The following FAM13C variants were observed in gnomAD, a reference collection of about 807,000 sequenced individuals.
FAM13C encodes the protein family with sequence similarity 13 member C, also known as protein FAM13C.
FAM13C carries 37 observed loss-of-function variants against 73.2 expected under a neutral mutation model. The observed-to-expected ratio is 0.51, with a 90% CI of 0.39 to 0.67. The LOEUF (loss-of-function observed/expected upper bound fraction) is 0.67, where lower values mean the gene tolerates loss of function less well. FAM13C is among the 30% of genes least tolerant of loss of function. The probability of loss-of-function intolerance (pLI) is 0.00; values close to 1 mark genes in which losing one functional copy is unlikely to be tolerated. For synonymous variants in FAM13C, 246 were observed against 260.9 expected (o/e 0.94, Z 0.55); for missense variants, 589 against 715.6 (o/e 0.82, Z 2.02).
At chr10:59,312,621 G>A (rs574182252) in intron 4 of FAM13C, among the ~76,000 whole-genome samples, 1 of 152,268 alleles carries the variant, frequency 6.6e-6, no homozygotes, top group African/African-American at 2.4e-5. Context: ...CAGGCTACCA[G>A]GCCCCATGCA....
At chr10:59,314,747 C>CA in intron 4 of FAM13C, among the ~76,000 whole-genome samples, 1 of 152,138 alleles carries the variant, frequency 6.6e-6, no homozygotes, top group East Asian at 1.9e-4. Flanking sequence ...GCAGGATCAT[C>CA]AGAGTGCTCT....
chr10:59,275,661 T>C (rs1844245955), intron 6 of FAM13C, among the ~76,000 whole-genome samples: 1 of 152,234 alleles, frequency 6.6e-6, no homozygotes, highest in African/African-American at 2.4e-5. Context: ...TATAGGCTAC[T>C]GGTTAAAAGC....
At chr10:59,326,553 C>A (rs1332197145) in intron 3 of FAM13C, among the ~76,000 whole-genome samples, 2 of 152,142 alleles carry the variant, frequency 1.3e-5, no homozygotes, top group Non-Finnish European at 2.9e-5. Flanking sequence ...CCAAGTACAG[C>A]CTTTCTTAGA....
intron 4 of FAM13C, among the ~76,000 whole-genome samples, chr10:59,310,255 C>T (rs117511141): frequency 1.7e-3 from 260 of 152,226 alleles, no homozygotes; most frequent in Non-Finnish European, 3.1e-3. Context: ...AATGTATACC[C>T]GGATGACTGC....
rs373089072 is a variant in FAM13C, at chr10:59,252,928, G to A, written c.1403C>T (p.Ser468Phe). The change falls in exon 12 of 14, where the codon TCT becomes TTT. Residue 468 changes from serine (S) to phenylalanine (F), a missense_variant. By Grantham distance (155) the Ser-to-Phe change is radical (BLOSUM62 -2). Transcript: ENST00000618804. ...GAGGTGGTCACCAACAGGAAGGTGA[G>A]ATGCTGGATCTGCCAAAGAAGGTTG... ...SQQPSLADPASHLPVGDHLTY... is the reference protein window; with the variant it reads ...SQQPSLADPAFHLPVGDHLTY... 1.9e-5 allele frequency: 31 copies of A among 1,614,078 alleles called. No individual in the cohort carries two copies. In the South Asian group the frequency reaches 3.0e-4, roughly 15 times the overall value.
chr10:59,255,479 T>C (rs1054118546), intron 10 of FAM13C, among the ~76,000 whole-genome samples: 16 of 152,108 alleles, frequency 1.1e-4, no homozygotes, highest in African/African-American at 3.9e-4. Flanking sequence ...CTCCTCTGCT[T>C]GCATTGGTTT....
At chr10:59,314,340 T>C (rs751161215) in intron 4 of FAM13C, among the ~76,000 whole-genome samples, 2 of 152,202 alleles carry the variant, frequency 1.3e-5, no homozygotes, top group Non-Finnish European at 2.9e-5. Flanking sequence ...ATGCAGTTCA[T>C]TTAATCCTTG....
intron 5 of FAM13C, among the ~76,000 whole-genome samples, chr10:59,299,184 T>C (rs1270624422): frequency 1.3e-5 from 2 of 152,168 alleles, no homozygotes; most frequent in Non-Finnish European, 2.9e-5. Context: ...ATTTGTTCAT[T>C]CCATAATATA....
At chr10:59,260,747 A>T (rs574433385) in intron 10 of FAM13C, among the ~76,000 whole-genome samples, 85 of 152,230 alleles carry the variant, frequency 5.6e-4, no homozygotes, top group African/African-American at 2.0e-3. Flanking sequence ...ATATCTTTTA[A>T]TTTTTTATAT....
chr10:59,325,397 C>T (rs1356946841), intron 3 of FAM13C, among the ~76,000 whole-genome samples: 1 of 152,158 alleles, frequency 6.6e-6, no homozygotes, highest in Non-Finnish European at 1.5e-5. Flanking sequence ...CTGGGCAGAG[C>T]TGTGGGAAAG....
intron 6 of FAM13C, 23 bp downstream of exon 6, chr10:59,283,340 C>G (rs371879218): frequency 6.2e-7 from 1 of 1,613,030 alleles, no homozygotes; most frequent in South Asian, 1.1e-5. Context: ...CAATTTGGGA[C>G]AACCCCCAGC....
At position 59,247,444 on chromosome 10, in the gene FAM13C, T is replaced by A. The variant is rs963714541; in HGVS notation, c.*170A>T. On this transcript the variant is annotated 3_prime_UTR_variant, in exon 14 of 14. Transcript: ENST00000618804. ...TGTTGTATTCTTCCCCCCGTTTAAA[T>A]CCCTTCTCCTTGTATATAATTAAAC... 5 of 763,576 alleles carry A rather than the reference T, an allele frequency of 6.5e-6. No homozygotes were observed. In the Admixed American group the frequency reaches 1.4e-4, roughly 21 times the overall value. 47.3% of individuals were successfully genotyped at this position (763,576 alleles called of 1,614,324 possible).
rs1411538893 is a variant in FAM13C, at chr10:59,313,695, G to A, written c.443+10293C>T. Among the ~76,000 whole-genome samples the A allele has an allele frequency of 6.6e-5, 10 of 152,126 alleles. No homozygotes were observed. In the East Asian group the frequency reaches 1.3e-3, roughly 21 times the overall value. On this transcript the variant is annotated intron_variant, in intron 4 of 13. Transcript: ENST00000618804. ...AAGCTAAGGTCTAGCTTAAAGATGT[G>A]CAGAAAAACAGATCTATGAAGGTAA...
intron 9 of FAM13C, 145 bp downstream of exon 9, chr10:59,263,940 T>C: frequency 1.3e-6 from 1 of 745,894 alleles, no homozygotes; most frequent in Non-Finnish European, 2.3e-6. Context: ...ACAGGGTGCT[T>C]TATTTCAAAA....
At chr10:59,345,881 T>C in intron 3 of FAM13C, among the ~76,000 whole-genome samples, 1 of 152,162 alleles carries the variant, frequency 6.6e-6, no homozygotes. Context: ...TGAGAAATAA[T>C]ACAACATGAA....
chr10:59,303,661 T>C (rs1847860246), intron 4 of FAM13C, among the ~76,000 whole-genome samples: 1 of 152,096 alleles, frequency 6.6e-6, no homozygotes, highest in Admixed American at 6.6e-5. Flanking sequence ...TGATCCCCAG[T>C]GTGGCAGTGT....
chr10:59,274,634 C>T (rs928310763), intron 6 of FAM13C, among the ~76,000 whole-genome samples: 5 of 152,190 alleles, frequency 3.3e-5, no homozygotes, highest in South Asian at 2.1e-4. Flanking sequence ...GATAAAAACA[C>T]GAGCCACAGG....
chr10:59,250,640 T>G (rs1419954150), intron 13 of FAM13C, among the ~76,000 whole-genome samples: 1 of 152,186 alleles, frequency 6.6e-6, no homozygotes, highest in Non-Finnish European at 1.5e-5. Context: ...ACCCTCAACC[T>G]GCTGAACTGA....
chr10:59,276,566 C>T (rs944575907), intron 6 of FAM13C, among the ~76,000 whole-genome samples: 1 of 152,122 alleles, frequency 6.6e-6, no homozygotes, highest in East Asian at 1.9e-4. Context: ...TCCCAAATCA[C>T]CCAAGTAGCA....
Sources: gnomAD v4.1 joint callset for allele counts (sites outside exome capture counted in the v4.1 genomes callset) on GRCh38, gnomAD v4.1.1 for gene constraint, MANE v1.5 for transcripts, NCBI Gene and HGNC (gene_info 2026-07-23, HGNC 2026-07-21) for gene names.